PHACTR1: variants seen among roughly 807,000 people sequenced by gnomAD.
The protein encoded by PHACTR1 is RPEL repeat containing 1.
A neutral mutation model predicts 69.2 loss-of-function variants in PHACTR1; 16 were observed. That is an observed-to-expected ratio of 0.23 (90% CI 0.16 to 0.35). PHACTR1 has a LOEUF of 0.35. PHACTR1 is among the 10% of genes least tolerant of loss of function. The probability of loss-of-function intolerance (pLI) is 1.00; values close to 1 mark genes in which losing one functional copy is unlikely to be tolerated. For missense variants in PHACTR1, 510 were observed against 734.7 expected (o/e 0.69, Z 3.54); for synonymous variants, 312 against 284.5 (o/e 1.10, Z -0.97).
rs560411333 is a variant in PHACTR1 at position 13,054,369 on chromosome 6, A to G, written c.415+840A>G. The stretch of plus-strand genomic sequence containing the variant: ...TTCACCCCATTGGGTCTGTGATCAG[A>G]CAGTGGAAGAGCTATACAGATTCCC... On this transcript the variant is annotated intron_variant, in intron 5 of 14. Coordinates refer to ENST00000332995, the MANE Select transcript of PHACTR1 (RefSeq NM_030948.6). Among the ~76,000 whole-genome samples, 38 of 152,360 alleles carry G rather than the reference A, an allele frequency of 2.5e-4. No individual in the cohort carries two copies. The South Asian group carries it at 7.9e-3, about 32-fold the overall frequency.
At chr6:12,930,941 C>G (rs912292234) in intron 4 of PHACTR1, among the ~76,000 whole-genome samples, 6 of 146,676 alleles carry the variant, frequency 4.1e-5, no homozygotes, top group African/African-American at 1.5e-4. Flanking sequence ...ATCCCAGCTA[C>G]TCAGGAAAGC....
At chr6:12,875,289 GCT>G (rs1422128668) in intron 4 of PHACTR1, among the ~76,000 whole-genome samples, 2 of 152,166 alleles carry the variant, frequency 1.3e-5, no homozygotes, top group Admixed American at 1.3e-4. Flanking sequence ...GGTTCTTCGT[GCT>G]CCATGAGCCC....
At chr6:12,886,530 A>G (rs1582291204) in intron 4 of PHACTR1, among the ~76,000 whole-genome samples, 1 of 137,004 alleles carries the variant, frequency 7.3e-6, no homozygotes. Context: ...AATTGAGACA[A>G]GTAGAGAGAT....
intron 5 of PHACTR1, among the ~76,000 whole-genome samples, chr6:13,127,835 T>C (rs1033269326): frequency 3.9e-5 from 6 of 152,120 alleles, no homozygotes; most frequent in Non-Finnish European, 5.9e-5. Flanking sequence ...TTCAAACATA[T>C]GCATTGTATT....
At chr6:13,095,749 CTTTTTTTTTTTTTTTTT>C (rs140109520) in intron 5 of PHACTR1, among the ~76,000 whole-genome samples, 4 of 77,210 alleles carry the variant, frequency 5.2e-5, no homozygotes, top group Admixed American at 2.2e-4. Flanking sequence ...TTGTGAAGGG[CTTTTTTTTTTTTTTTTT>C]TTTTTTTTTT....
At chr6:12,815,439 C>T (rs943932093) in intron 4 of PHACTR1, among the ~76,000 whole-genome samples, 1 of 152,224 alleles carries the variant, frequency 6.6e-6, no homozygotes, top group Admixed American at 6.5e-5. Flanking sequence ...AGCCAGATCA[C>T]TGCTACTAAA....
chr6:12,853,776 C>T (rs1330490601), intron 4 of PHACTR1, among the ~76,000 whole-genome samples: 2 of 152,138 alleles, frequency 1.3e-5, no homozygotes, highest in African/African-American at 4.8e-5. Context: ...GGAAACTGCC[C>T]CCCTGATTCA....
intron 10 of PHACTR1, among the ~76,000 whole-genome samples, chr6:13,268,873 C>CA (rs1777198143): frequency 6.6e-6 from 1 of 152,110 alleles, no homozygotes; most frequent in African/African-American, 2.4e-5. Context: ...AAATGAAACA[C>CA]AAACAGAGGA....
intron 4 of PHACTR1, among the ~76,000 whole-genome samples, chr6:12,978,479 T>C (rs1270512513): frequency 6.6e-6 from 1 of 152,154 alleles, no homozygotes; most frequent in African/African-American, 2.4e-5. Flanking sequence ...CTCTGCCTCC[T>C]CAGCACTCTG....
intron 4 of PHACTR1, among the ~76,000 whole-genome samples, chr6:13,050,750 G>C (rs948370559): frequency 6.6e-6 from 1 of 152,144 alleles, no homozygotes; most frequent in African/African-American, 2.4e-5. Flanking sequence ...TCCCCATTGA[G>C]CTGCCATCCT....
At position 12,949,557 on chromosome 6, in the gene PHACTR1, T is replaced by A. The variant is rs188759561; in HGVS notation, c.251-103808T>A. ...GAGGCAACTGTGGTATAGACATACA[T>A]TGGCCAAAAAGGCATGGGAGTTGGA... On this transcript the variant is annotated intron_variant, in intron 4 of 14. Transcript: ENST00000332995. Among the ~76,000 whole-genome samples, 636 of 152,266 alleles carry A rather than the reference T, an allele frequency of 4.2e-3. 2 individuals carry two copies. Among genetic ancestry groups the A allele is most frequent in the Middle Eastern group, 6.8e-3 (2 of 294 alleles).
intron 4 of PHACTR1, among the ~76,000 whole-genome samples, chr6:12,871,415 C>A (rs1387306744): frequency 6.6e-6 from 1 of 152,096 alleles, no homozygotes. Flanking sequence ...GCTCACATTG[C>A]GTTTGACTTA....
intron 4 of PHACTR1, among the ~76,000 whole-genome samples, chr6:12,864,033 A>G (rs1229773450): frequency 6.6e-6 from 1 of 152,184 alleles, no homozygotes; most frequent in Non-Finnish European, 1.5e-5. Flanking sequence ...TGAAATAGTT[A>G]CCATTGCTGG....
At chr6:12,760,626 A>C (rs1287041440) in intron 4 of PHACTR1, among the ~76,000 whole-genome samples, 1 of 152,182 alleles carries the variant, frequency 6.6e-6, no homozygotes, top group East Asian at 1.9e-4. Context: ...CATGTTGGTC[A>C]GAAGATCACA....
At chr6:13,106,520 C>T (rs1275795569) in intron 5 of PHACTR1, among the ~76,000 whole-genome samples, 1 of 152,040 alleles carries the variant, frequency 6.6e-6, no homozygotes, top group Non-Finnish European at 1.5e-5. Flanking sequence ...GCTCTGTCAC[C>T]TGGGCTGGAG....
At chr6:12,959,202 A>AAAAAAAAAAAAAAAAAAAAAAAAAAAAG (rs1562056492) in intron 4 of PHACTR1, among the ~76,000 whole-genome samples, 2 of 69,098 alleles carry the variant, frequency 2.9e-5, no homozygotes, top group African/African-American at 1.1e-4. Context: ...AAAAGAAAAG[A>AAAAAAAAAAAAAAAAAAAAAAAAAAAAG]AAAAAAAAAG....
intron 5 of PHACTR1, among the ~76,000 whole-genome samples, chr6:13,095,032 T>C (rs1441301464): frequency 6.6e-6 from 1 of 152,128 alleles, no homozygotes; most frequent in Non-Finnish European, 1.5e-5. Context: ...TCTCTCTCTC[T>C]TAAAAAAGAG....
chr6:13,035,195 C>T (rs1051057965), intron 4 of PHACTR1, among the ~76,000 whole-genome samples: 3 of 152,174 alleles, frequency 2.0e-5, no homozygotes, highest in African/African-American at 7.2e-5. Flanking sequence ...TGTCTTATTA[C>T]ACCAGCTAAT....
intron 9 of PHACTR1, among the ~76,000 whole-genome samples, chr6:13,229,085 A>G (rs1770323635): frequency 6.6e-6 from 1 of 152,240 alleles, no homozygotes; most frequent in Admixed American, 6.5e-5. Context: ...TCAATGATCC[A>G]TGAATGGAAG....
Sources: gnomAD v4.1 joint callset for allele counts (sites outside exome capture counted in the v4.1 genomes callset) on GRCh38, gnomAD v4.1.1 for gene constraint, MANE v1.5 for transcripts, NCBI Gene and HGNC (gene_info 2026-07-23, HGNC 2026-07-21) for gene names.